Variants in PTGR3 observed in about 807,000 individuals in gnomAD.
PTGR3 encodes the protein prostaglandin reductase 3.
the PTGR3 span, among the ~76,000 whole-genome samples, chr18:75,204,933 G>T: frequency 6.6e-6 from 1 of 152,172 alleles, no homozygotes; most frequent in Non-Finnish European, 1.5e-5. Flanking sequence ...CCTTGGCCTC[G>T]CAGGCACCCC....
At chr18:75,201,347 G>A in the PTGR3 span, 1 of 1,348,286 alleles carries the variant, frequency 7.4e-7, no homozygotes, top group Non-Finnish European at 1.0e-6. Flanking sequence ...AAAATAAATT[G>A]ATTTGAGTAA....
At chr18:75,209,066 G>A in the PTGR3 span, 2 of 1,511,470 alleles carry the variant, frequency 1.3e-6, no homozygotes, top group East Asian at 2.8e-5. This position sits in a 1 kb window ranked among gnomAD's most constrained non-coding sequence, Gnocchi z 4.7. Flanking sequence ...CATGGCCTGC[G>A]CCTCCGCCCG....
At chr18:75,208,856 C>A in the PTGR3 span, 1 of 1,508,580 alleles carries the variant, frequency 6.6e-7, no homozygotes, top group Non-Finnish European at 8.9e-7. Context: ...TCACCGGTTC[C>A]GGACGAGGAG....
the PTGR3 span, chr18:75,208,981 G>C: frequency 6.3e-7 from 1 of 1,594,358 alleles, no homozygotes; most frequent in Non-Finnish European, 8.5e-7. Flanking sequence ...GAATGGCGGA[G>C]CCCTGGAAGT....
the PTGR3 span, among the ~76,000 whole-genome samples, chr18:75,204,329 C>A: frequency 1.3e-5 from 2 of 152,244 alleles, no homozygotes; most frequent in African/African-American, 2.4e-5. Flanking sequence ...GGACGCACAC[C>A]GGAGCAGCCT....
the PTGR3 span, chr18:75,198,216 T>C: frequency 6.6e-6 from 1 of 152,320 alleles, no homozygotes; most frequent in Middle Eastern, 3.4e-3. Context: ...AATGATATCA[T>C]TTGTCAAGCT....
chr18:75,196,699 G>A, the PTGR3 span: 1 of 146,910 alleles, frequency 6.8e-6, no homozygotes, highest in African/African-American at 2.5e-5. Context: ...ACATGAAGAC[G>A]TATTGGTTTT....
the PTGR3 span, chr18:75,197,205 T>C: frequency 6.6e-6 from 1 of 152,190 alleles, no homozygotes; most frequent in Non-Finnish European, 1.5e-5. Context: ...AGACCTACTA[T>C]TTGATAGCAA....
At chr18:75,204,276 C>T in the PTGR3 span, among the ~76,000 whole-genome samples, 1 of 152,222 alleles carries the variant, frequency 6.6e-6, no homozygotes, top group African/African-American at 2.4e-5. Context: ...CCGCCCCAGG[C>T]TGTGGTTTGC....
At chr18:75,202,066 T>C in the PTGR3 span, 1 of 1,614,026 alleles carries the variant, frequency 6.2e-7, no homozygotes. Context: ...TTCAGGCTGA[T>C]GTATGCGGTG....
At chr18:75,199,143 T>C in the PTGR3 span, 1 of 152,680 alleles carries the variant, frequency 6.5e-6, no homozygotes, top group Non-Finnish European at 1.5e-5. Context: ...TTATATTTTA[T>C]TTTAATCCTG....
the PTGR3 span, among the ~76,000 whole-genome samples, chr18:75,205,765 C>G: frequency 1.0e-3 from 132 of 127,836 alleles, 4 homozygotes; most frequent in South Asian, 0.026. Flanking sequence ...AAGAAAGAAA[C>G]AAAGAAGGAA....
the PTGR3 span, among the ~76,000 whole-genome samples, chr18:75,203,770 T>A: frequency 6.6e-6 from 1 of 152,142 alleles, no homozygotes; most frequent in Non-Finnish European, 1.5e-5. Context: ...CTACATTCTA[T>A]TTTTAGAGAA....
At chr18:75,195,585 T>C in the PTGR3 span, 1 of 152,182 alleles carries the variant, frequency 6.6e-6, no homozygotes, top group South Asian at 2.1e-4. Flanking sequence ...TGGGTAGAAC[T>C]AGATTATTCT....
At chr18:75,202,283 T>C in the PTGR3 span, 1 of 1,614,090 alleles carries the variant, frequency 6.2e-7, no homozygotes, top group Non-Finnish European at 8.5e-7. Flanking sequence ...GAGGCTTAAC[T>C]GAGGGGTCAT....
the PTGR3 span, chr18:75,201,279 G>T: frequency 1.3e-4 from 93 of 726,410 alleles, no homozygotes; most frequent in Non-Finnish European, 1.9e-4. Context: ...GAGAAGGAGA[G>T]ACCTATTCAT....
chr18:75,201,959 CT>C, the PTGR3 span: 1 of 1,614,124 alleles, frequency 6.2e-7, no homozygotes, highest in African/African-American at 1.3e-5. Flanking sequence ...TTACATGGCA[CT>C]TTGCCTTCTT....
At chr18:75,209,070 C>G in the PTGR3 span, 1 of 1,505,360 alleles carries the variant, frequency 6.6e-7, no homozygotes, top group South Asian at 1.3e-5. The surrounding 1 kb of genome is among the most constrained non-coding windows in gnomAD (Gnocchi z 4.7). Flanking sequence ...GCCTGCGCCT[C>G]CGCCCGCTCT....
At chr18:75,196,580 C>T in the PTGR3 span, 3 of 136,952 alleles carry the variant, frequency 2.2e-5, no homozygotes, top group Non-Finnish European at 4.6e-5. Context: ...TGCAATCAAC[C>T]ATGATTGCAC....
Sources: allele counts gnomAD v4.1 joint callset (sites outside exome capture counted in the v4.1 genomes callset), GRCh38; gene constraint gnomAD v4.1.1; non-coding constraint Gnocchi (gnomAD v3.1); transcripts MANE v1.5; gene names NCBI Gene and HGNC (gene_info 2026-07-23, HGNC 2026-07-21).